ZNF385C: variants seen among roughly 807,000 people sequenced by gnomAD.
ZNF385C encodes the protein zinc finger protein 385C, also known as CTD-2132N18.2.
A neutral mutation model predicts 35.4 loss-of-function variants in ZNF385C; 28 were observed. That is an observed-to-expected ratio of 0.79 (90% CI 0.59 to 1.08). The LOEUF (loss-of-function observed/expected upper bound fraction) is 1.08, where lower values mean the gene tolerates loss of function less well. ZNF385C is among the 50% of genes least tolerant of loss of function. The pLI is 0.00. For missense variants in ZNF385C, 605 were observed against 595.6 expected (o/e 1.02, Z -0.16); for synonymous variants, 248 against 248.2 (o/e 1.00, Z 0.01).
At chr17:42,031,560 C>T in intron 5 of ZNF385C, 59 bp downstream of exon 5, 1 of 1,511,656 alleles carries the variant, frequency 6.6e-7, no homozygotes, top group Admixed American at 2.2e-5. Context: ...TCTCTCAACC[C>T]CTTGTCGGAA....
intron 1 of ZNF385C, among the ~76,000 whole-genome samples, chr17:42,071,904 AAGG>A (rs1555658844): frequency 6.6e-6 from 1 of 152,158 alleles, no homozygotes; most frequent in East Asian, 1.9e-4. Flanking sequence ...TGGAAGCCAG[AAGG>A]AGGAGGGTTG....
At chr17:42,072,544 T>A (rs771131931) in intron 1 of ZNF385C, among the ~76,000 whole-genome samples, 55 of 151,868 alleles carry the variant, frequency 3.6e-4, no homozygotes, top group Non-Finnish European at 2.4e-4. Flanking sequence ...CGGGCCCGAG[T>A]CCGGCGCCCG....
intron 1 of ZNF385C, among the ~76,000 whole-genome samples, chr17:42,064,015 G>T (rs1015814087): frequency 3.2e-4 from 49 of 151,788 alleles, no homozygotes; most frequent in African/African-American, 1.1e-3. Context: ...TGCTGCCTGG[G>T]TCGGCTGAAG....
chr17:42,045,391 G>A (rs1030051056), intron 2 of ZNF385C, among the ~76,000 whole-genome samples: 2 of 152,172 alleles, frequency 1.3e-5, no homozygotes, highest in Non-Finnish European at 2.9e-5. Flanking sequence ...CTGTGTCCTC[G>A]TCTTCATGCC....
chr17:42,056,131 G>A (rs1555657542), intron 2 of ZNF385C, among the ~76,000 whole-genome samples: 1 of 152,230 alleles, frequency 6.6e-6, no homozygotes, highest in East Asian at 1.9e-4. Flanking sequence ...CCCCTCTTGT[G>A]TCATGTTGCA....
intron 2 of ZNF385C, among the ~76,000 whole-genome samples, chr17:42,059,425 T>A (rs1555657801): frequency 2.6e-5 from 4 of 152,042 alleles, no homozygotes; most frequent in African/African-American, 9.7e-5. Flanking sequence ...AATTTAACAA[T>A]CTGGACTGGA....
intron 1 of ZNF385C, among the ~76,000 whole-genome samples, chr17:42,086,981 C>T (rs974192487): frequency 2.6e-5 from 4 of 151,794 alleles, no homozygotes; most frequent in Admixed American, 6.6e-5. Flanking sequence ...CCACCACGCC[C>T]GGCTAATTTT....
intron 1 of ZNF385C, among the ~76,000 whole-genome samples, chr17:42,075,047 A>G (rs2053669702): frequency 6.6e-6 from 1 of 152,110 alleles, no homozygotes; most frequent in Admixed American, 6.5e-5. Flanking sequence ...ATGGTCGTAG[A>G]TCTGCTGCCT....
chr17:42,080,703 C>T (rs1193001616), intron 1 of ZNF385C, among the ~76,000 whole-genome samples: 14 of 152,124 alleles, frequency 9.2e-5, no homozygotes, highest in Admixed American at 4.6e-4. Flanking sequence ...GGCACAAAGC[C>T]GTTGCAGGCC....
At chr17:42,028,292 A>C (rs2052644366) in intron 6 of ZNF385C, 46 bp from the exon 7 acceptor site, 1 of 1,499,420 alleles carries the variant, frequency 6.7e-7, no homozygotes, top group South Asian at 1.3e-5. Flanking sequence ...AAGGGGTTGC[A>C]GGGGCCACAG....
At chr17:42,081,166 G>A (rs1306864942) in intron 1 of ZNF385C, among the ~76,000 whole-genome samples, 3 of 152,176 alleles carry the variant, frequency 2.0e-5, no homozygotes, top group African/African-American at 7.2e-5. Flanking sequence ...GCAAATCTGG[G>A]TTAGGGGAAG....
At chr17:42,076,404 G>A (rs2053685738) in intron 1 of ZNF385C, among the ~76,000 whole-genome samples, 1 of 152,018 alleles carries the variant, frequency 6.6e-6, no homozygotes, top group Admixed American at 6.6e-5. Context: ...GGTGGATCAC[G>A]AGGTCAGGAG....
intron 2 of ZNF385C, chr17:42,038,133 C>G: frequency 8.9e-6 from 13 of 1,462,724 alleles, no homozygotes; most frequent in Non-Finnish European, 1.2e-5. Context: ...CCCTCCTGCC[C>G]CTACTGAGGC....
At chr17:42,039,380 G>A (rs1220363010) in intron 2 of ZNF385C, 1 of 274,368 alleles carries the variant, frequency 3.6e-6, no homozygotes, top group Non-Finnish European at 6.8e-6. Context: ...CCATCTTTGG[G>A]GGGACCCAAA....
chr17:42,077,285 G>A (rs1002984888), intron 1 of ZNF385C, among the ~76,000 whole-genome samples: 36 of 152,154 alleles, frequency 2.4e-4, no homozygotes, highest in African/African-American at 7.2e-4. Flanking sequence ...AACAGGTAAC[G>A]GTGTAGAGGA....
chr17:42,055,199 G>A (rs145187782), intron 2 of ZNF385C, among the ~76,000 whole-genome samples: 5 of 152,190 alleles, frequency 3.3e-5, no homozygotes, highest in Admixed American at 6.5e-5. Context: ...GGTTGGCAGC[G>A]GCAGCTCCTG....
rs782240397 is a variant in ZNF385C, at chr17:42,028,192, C to T, written c.1022G>A (p.Arg341Gln). 15 of 1,586,286 alleles carry T rather than the reference C, an allele frequency of 9.5e-6. No individual in the cohort carries two copies. In the South Asian group the frequency reaches 1.1e-4, roughly 12 times the overall value. ...EGQRGAPRRSRGRPVSRGGAG... is the reference protein window; with the variant it reads ...EGQRGAPRRSQGRPVSRGGAG... ...ACCTCCCCTGGACACCGGGCGGCCC[C>T]GGCTCCTCCGGGGAGCCCCTCGCTG... The change falls in exon 7 of 9, where the codon CGG becomes CAG. Residue 341 changes from arginine (R) to glutamine (Q), a missense_variant. Transcript: ENST00000692273.
At chr17:42,058,327 G>A (rs562321519) in intron 2 of ZNF385C, among the ~76,000 whole-genome samples, 5 of 152,298 alleles carry the variant, frequency 3.3e-5, no homozygotes, top group East Asian at 3.9e-4. Flanking sequence ...CAGCTCCCAC[G>A]GAAAAGTGCC....
At chr17:42,060,622 C>A (rs993512068) in intron 2 of ZNF385C, among the ~76,000 whole-genome samples, 1 of 152,244 alleles carries the variant, frequency 6.6e-6, no homozygotes, top group Non-Finnish European at 1.5e-5. Flanking sequence ...TTTGCTCCGG[C>A]TGCTTCCCTG....
Sources: gnomAD v4.1 joint callset for allele counts (sites outside exome capture counted in the v4.1 genomes callset) on GRCh38, gnomAD v4.1.1 for gene constraint, MANE v1.5 for transcripts, NCBI Gene and HGNC (gene_info 2026-07-23, HGNC 2026-07-21) for gene names.